Variants in JMY observed in about 807,000 individuals in gnomAD.
JMY encodes junction mediating and regulatory protein, p53 cofactor, also known as junction-mediating and -regulatory protein.
JMY carries 46 observed loss-of-function variants against 103.3 expected under a neutral mutation model. The observed-to-expected ratio is 0.45, with a 90% CI of 0.35 to 0.57. The LOEUF is 0.57. Among genes scored for constraint, JMY ranks in the 20% least tolerant of loss-of-function variants. The probability of loss-of-function intolerance (pLI) is 0.00; values close to 1 mark genes in which losing one functional copy is unlikely to be tolerated. For synonymous variants in JMY, 526 were observed against 489.3 expected, an observed-to-expected ratio of 1.07 and a Z score of -0.99; for missense variants, 1,238 against 1,255.2, an observed-to-expected ratio of 0.99 and a Z score of 0.21.
intron 1 of JMY, among the ~76,000 whole-genome samples, chr5:79,277,181 C>T (rs1386935011): frequency 6.6e-6 from 1 of 152,108 alleles, no homozygotes; most frequent in Non-Finnish European, 1.5e-5. Context: ...TTATTCACTA[C>T]ACTGTAAGCT....
chr5:79,256,722 C>T (rs1745254780), intron 1 of JMY, among the ~76,000 whole-genome samples: 1 of 152,034 alleles, frequency 6.6e-6, no homozygotes, highest in South Asian at 2.1e-4. Flanking sequence ...TTCTTTTCTG[C>T]ACCTGTTCCC....
rs1391465323 is a variant in JMY at position 79,270,582 on chromosome 5, C to T, written c.1033-7328C>T. Among the ~76,000 whole-genome samples, 6 of 66,586 alleles carry T rather than the reference C, an allele frequency of 9.0e-5. 2 individuals carry two copies. The highest frequency in any genetic ancestry group is 1.5e-4 in the Non-Finnish European group (4 of 27,454). 43.7% of individuals were successfully genotyped at this position (66,586 alleles called of 152,430 possible). On this transcript the variant is annotated intron_variant, in intron 1 of 10. Coordinates refer to ENST00000396137, the MANE Select transcript of JMY (RefSeq NM_152405.5). ...CATAAATATTTAAAATGTATATTTA[C>T]ATAAATATTTAAAATGTATATTTAC...
At chr5:79,287,926 T>A (rs1010698966) in intron 2 of JMY, among the ~76,000 whole-genome samples, 2 of 152,250 alleles carry the variant, frequency 1.3e-5, no homozygotes, top group Non-Finnish European at 2.9e-5. Flanking sequence ...ATTTAAGTTT[T>A]GACTTGTATC....
chr5:79,274,548 T>C (rs1293097197), intron 1 of JMY, among the ~76,000 whole-genome samples: 1 of 151,954 alleles, frequency 6.6e-6, no homozygotes, highest in Admixed American at 6.6e-5. Context: ...GCTGGGACTG[T>C]AGGTGTGCTC....
At chr5:79,255,191 G>A (rs946194757) in intron 1 of JMY, among the ~76,000 whole-genome samples, 1 of 143,782 alleles carries the variant, frequency 7.0e-6, no homozygotes. Context: ...CCACCTCCCA[G>A]GTTCAAGGGA....
At position 79,314,807 on chromosome 5, in the gene JMY, G is replaced by A. The variant is rs1338602223; in HGVS notation, c.2615G>A (p.Arg872Gln). ...LFDSSQLVSA[R>Q]KKLRKTAEGL... is the part of the protein sequence containing the mutation. ...GACAGCAGCCAGCTGGTCAGTGCAC[G>A]GAAGAAGCTCAGAAAGACTGCTGAA... The change falls in exon 9 of 11, where the codon CGG (arginine) becomes CAG (glutamine). Residue 872 changes from arginine (R) to glutamine (Q), a missense_variant. Transcript: ENST00000396137. 8.1e-6 allele frequency: 13 copies of A among 1,599,652 alleles called. No homozygotes were observed. Among genetic ancestry groups the A allele is most frequent in the South Asian group, 3.4e-5 (3 of 88,308 alleles).
intron 6 of JMY, among the ~76,000 whole-genome samples, chr5:79,301,097 G>C (rs12108741): frequency 6.6e-6 from 1 of 152,108 alleles, no homozygotes; most frequent in Non-Finnish European, 1.5e-5. Context: ...TAAAGGCCTT[G>C]ACTACAGGAT....
Position 79,279,446 on chromosome 5 carries a change from T to C in JMY, c.1206+1363T>C, listed in dbSNP as rs78886686. 4.3e-4 allele frequency among the ~76,000 whole-genome samples: 66 copies of C among 152,362 alleles called. No individual in the cohort carries two copies. In the East Asian group the frequency reaches 0.012, roughly 29 times the overall value. Reference sequence around the variant, plus strand: ...CCTTAAATGTTATGTGTAATTCATATATAAATGTTGCTGAACTAGAACATT... The same window carrying C: ...CCTTAAATGTTATGTGTAATTCATACATAAATGTTGCTGAACTAGAACATT... On this transcript the variant is annotated intron_variant, in intron 2 of 10. Coordinates refer to ENST00000396137, the MANE Select transcript of JMY (RefSeq NM_152405.5).
At chr5:79,321,238 G>C (rs1747439270) in intron 10 of JMY, among the ~76,000 whole-genome samples, 1 of 152,104 alleles carries the variant, frequency 6.6e-6, no homozygotes, top group Non-Finnish European at 1.5e-5. Flanking sequence ...TTAAAGATTG[G>C]TATTAATCCT....
intron 2 of JMY, 128 bp downstream of exon 2, chr5:79,278,211 C>T (rs1396706167): frequency 1.3e-6 from 1 of 780,696 alleles, no homozygotes; most frequent in Non-Finnish European, 1.9e-6. Context: ...CCTATTTCTG[C>T]AAAGTTTCTT....
chr5:79,237,411 C>G lies in JMY; in HGVS notation c.761C>G (p.Pro254Arg), dbSNP rs867912005. The change falls in exon 1 of 11, where the codon CCG becomes CGG. Residue 254 changes from proline (P) to arginine (R), a missense_variant. Physicochemically the swap from Pro to Arg is moderately radical, Grantham distance 103 (BLOSUM62 -2). Coordinates refer to ENST00000396137, the MANE Select transcript of JMY (RefSeq NM_152405.5). ...TGCTCGGTGAACTCGCAGTTGGAGCCGTGCCTGCCGGTGTTCCCCGAGGAA... is the reference window on the plus strand; with the variant it reads ...TGCTCGGTGAACTCGCAGTTGGAGCGGTGCCTGCCGGTGTTCCCCGAGGAA... The part of the protein sequence containing the change: ...QLCSVNSQLE[P>R]CLPVFPEEPS... 5 of 1,613,594 alleles carry G rather than the reference C, an allele frequency of 3.1e-6. No individual in the cohort carries two copies. The Middle Eastern group carries it at 4.9e-4, about 160-fold the overall frequency.
chr5:79,314,547 TCTTCCA>T lies in JMY; in HGVS notation c.2359_2364del (p.Pro787_Leu788del), dbSNP rs1203965233. On this transcript the variant is annotated inframe_deletion, in exon 9 of 11. Coordinates refer to ENST00000396137, the MANE Select transcript of JMY (RefSeq NM_152405.5). The stretch of plus-strand genomic sequence containing the variant: ...CCTCTGAACTGCCTCCCACTATATC[TCTTCCA>T]CTTTTGAATAACAACCTCGAACCAT... The T allele has an allele frequency of 6.2e-7, 1 of 1,614,120 alleles. No individual in the cohort carries two copies. The highest frequency in any genetic ancestry group is 8.5e-7 in the Non-Finnish European group (1 of 1,180,012).
At chr5:79,264,950 G>A (rs1041210135) in intron 1 of JMY, among the ~76,000 whole-genome samples, 6 of 151,938 alleles carry the variant, frequency 3.9e-5, no homozygotes, top group Admixed American at 3.3e-4. Context: ...AGAGTCTTGC[G>A]CTATCACTGT....
chr5:79,311,283 G>T (rs1379023619), intron 7 of JMY, among the ~76,000 whole-genome samples: 1 of 151,882 alleles, frequency 6.6e-6, no homozygotes, highest in East Asian at 1.9e-4. Context: ...ACCACACTTG[G>T]CTTTATTTTC....
intron 4 of JMY, among the ~76,000 whole-genome samples, chr5:79,297,930 G>A (rs1215611194): frequency 6.6e-6 from 1 of 152,198 alleles, no homozygotes; most frequent in African/African-American, 2.4e-5. Context: ...TATTGAGTGT[G>A]TGCTGGTAGC....
intron 1 of JMY, among the ~76,000 whole-genome samples, chr5:79,255,976 A>C (rs1299617718): frequency 6.6e-6 from 1 of 152,232 alleles, no homozygotes; most frequent in Non-Finnish European, 1.5e-5. Flanking sequence ...CTCTACAATC[A>C]GCAAGTGGCA....
At chr5:79,257,351 C>T (rs1048279729) in intron 1 of JMY, among the ~76,000 whole-genome samples, 1 of 152,056 alleles carries the variant, frequency 6.6e-6, no homozygotes, top group African/African-American at 2.4e-5. Flanking sequence ...GTCTATAATC[C>T]TAGTACTTTG....
chr5:79,264,353 C>G (rs1745516677), intron 1 of JMY, among the ~76,000 whole-genome samples: 1 of 151,980 alleles, frequency 6.6e-6, no homozygotes, highest in Non-Finnish European at 1.5e-5. Context: ...TCCCAGAGGG[C>G]TGGAATTACA....
In JMY at chr5:79,278,037, T is replaced by TC; in HGVS notation, c.1162dup (p.Arg388ProfsTer21). 2 of 1,613,972 alleles carry TC rather than the reference T, an allele frequency of 1.2e-6. No homozygotes were observed. Among genetic ancestry groups the TC allele is most frequent in the Non-Finnish European group, 1.7e-6 (2 of 1,179,928 alleles). On this transcript the variant is annotated frameshift_variant, in exon 2 of 11. Coordinates refer to ENST00000396137, the MANE Select transcript of JMY (RefSeq NM_152405.5). LOFTEE classifies it high-confidence loss of function. ...CTCTATCAGTATTTACTACAGCCAT[T>TC]CCGAGACATGAGAGAACTTGCCATG...
Sources: allele counts gnomAD v4.1 joint callset (sites outside exome capture counted in the v4.1 genomes callset), GRCh38; gene constraint gnomAD v4.1.1; transcripts MANE v1.5; gene names NCBI Gene and HGNC (gene_info 2026-07-23, HGNC 2026-07-21).